Variants in SRPK2 observed in about 807,000 individuals in gnomAD.
SRPK2 encodes the protein SRSF protein kinase 2.
SRPK2 carries 21 observed loss-of-function variants against 90.8 expected under a neutral mutation model. The ratio of observed to expected loss-of-function variants is 0.23; its 90% CI spans 0.16 to 0.33. The LOEUF is 0.33. SRPK2 is among the 10% of genes least tolerant of loss of function. The probability of loss-of-function intolerance (pLI) is 1.00; values close to 1 mark genes in which losing one functional copy is unlikely to be tolerated. For missense variants in SRPK2, 620 were observed against 869.0 expected (o/e 0.71, Z 3.60); for synonymous variants, 288 against 311.1 (o/e 0.93, Z 0.78).
At position 105,183,974 on chromosome 7, in the gene SRPK2, A is replaced by ATTTTTTT. The variant is rs57622134; in HGVS notation, c.230-14716_230-14710dup. Among the ~76,000 whole-genome samples, 16 of 116,268 alleles carry ATTTTTTT rather than the reference A, an allele frequency of 1.4e-4. 1 individual carries two copies. The highest frequency in any genetic ancestry group is 1.3e-4 in the Non-Finnish European group (8 of 60,518). The allele number at this position is 116,268 out of a possible 152,430, so 76.3% of individuals were successfully genotyped here. The stretch of plus-strand genomic sequence containing the variant: ...AAAGAGTTAACGTACACTATTACCA[A>ATTTTTTT]TTTTTTTTTTTTTTTTTTTTTGAGA... On this transcript the variant is annotated intron_variant, in intron 3 of 15. Transcript: ENST00000393651.
At chr7:105,216,681 G>A (rs925434284) in intron 2 of SRPK2, among the ~76,000 whole-genome samples, 1 of 151,328 alleles carries the variant, frequency 6.6e-6, no homozygotes, top group Non-Finnish European at 1.5e-5. Context: ...GAGAGAGAGA[G>A]AGAGACACCA....
At chr7:105,244,755 A>AAC in intron 2 of SRPK2, 1 of 1,030,682 alleles carries the variant, frequency 9.7e-7, no homozygotes, top group South Asian at 1.3e-5. Context: ...CGTCTGACCA[A>AAC]ACACACCAAG....
intron 2 of SRPK2, among the ~76,000 whole-genome samples, chr7:105,262,280 T>A (rs1804404770): frequency 6.6e-6 from 1 of 152,158 alleles, no homozygotes; most frequent in South Asian, 2.1e-4. Context: ...ACACTTTTAT[T>A]TAGGTATATG....
At chr7:105,378,368 A>G (rs1820552308) in intron 2 of SRPK2, among the ~76,000 whole-genome samples, 1 of 152,214 alleles carries the variant, frequency 6.6e-6, no homozygotes, top group South Asian at 2.1e-4. Flanking sequence ...TTTATAAATC[A>G]GTAAGAAAAA....
downstream of SRPK2, among the ~76,000 whole-genome samples, chr7:105,116,103 T>C (rs914292931): frequency 1.3e-5 from 2 of 152,194 alleles, no homozygotes; most frequent in Non-Finnish European, 2.9e-5. Context: ...AAATTTGCAA[T>C]GATCAAACAA....
chr7:105,266,357 C>G (rs1805073793), intron 2 of SRPK2, among the ~76,000 whole-genome samples: 1 of 152,084 alleles, frequency 6.6e-6, no homozygotes, highest in South Asian at 2.1e-4. Flanking sequence ...TGAAAAATTA[C>G]TAGAAATAAT....
chr7:105,172,940 A>G (rs1294530801), intron 3 of SRPK2, among the ~76,000 whole-genome samples: 2 of 152,248 alleles, frequency 1.3e-5, no homozygotes, highest in Non-Finnish European at 2.9e-5. Context: ...TATACATGTG[A>G]GCAAAAACAG....
intron 2 of SRPK2, among the ~76,000 whole-genome samples, chr7:105,286,854 T>G (rs572264521): frequency 9.5e-4 from 145 of 152,362 alleles, no homozygotes; most frequent in Non-Finnish European, 1.5e-3. Flanking sequence ...CATTTACACG[T>G]GGCCTAGGAG....
Position 105,142,395 on chromosome 7 carries a change from G to C in SRPK2, c.1156C>G (p.Pro386Ala). The stretch of plus-strand genomic sequence containing the variant: ...GTTTTAGGTGATTCTATCCACGTAG[G>C]GTCTATGTTCGCAAGTTCCTGATCT... ...DVDQELANID[P>A]TWIESPKTNG... Residue 386 changes from proline (P) to alanine (A), a missense_variant, in exon 11 of 16, where the codon CCT (proline) becomes GCT (alanine). Coordinates refer to ENST00000393651, the MANE Select transcript of SRPK2 (RefSeq NM_182692.3). 1 of 1,613,758 alleles carries C rather than the reference G, an allele frequency of 6.2e-7. No homozygotes were observed. Among genetic ancestry groups the C allele is most frequent in the African/African-American group, 1.3e-5 (1 of 74,882 alleles).
chr7:105,151,715 T>TA (rs1221298245), intron 7 of SRPK2, among the ~76,000 whole-genome samples: 2 of 150,754 alleles, frequency 1.3e-5, no homozygotes, highest in Non-Finnish European at 3.0e-5. Flanking sequence ...TCCAGCTTCC[T>TA]AAGTCACTTA....
At chr7:105,365,806 C>T (rs987687871) in intron 2 of SRPK2, among the ~76,000 whole-genome samples, 2 of 151,164 alleles carry the variant, frequency 1.3e-5, no homozygotes, top group African/African-American at 4.9e-5. Flanking sequence ...TTTAAAAAAA[C>T]AAAAAACAGA....
intron 2 of SRPK2, among the ~76,000 whole-genome samples, chr7:105,215,175 A>G (rs1797309846): frequency 6.6e-6 from 1 of 152,234 alleles, no homozygotes; most frequent in African/African-American, 2.4e-5. Context: ...CCCACCATAC[A>G]CAGAAACTAA....
intron 2 of SRPK2, among the ~76,000 whole-genome samples, chr7:105,216,145 G>A (rs1027252615): frequency 6.6e-6 from 1 of 151,962 alleles, no homozygotes; most frequent in African/African-American, 2.4e-5. Flanking sequence ...CCACTGAATG[G>A]TATACTTTAA....
chr7:105,261,467 G>A (rs1373368184), intron 2 of SRPK2, among the ~76,000 whole-genome samples: 1 of 151,876 alleles, frequency 6.6e-6, no homozygotes, highest in Non-Finnish European at 1.5e-5. Context: ...CTTGCAGTGA[G>A]CCGAGATCGC....
chr7:105,333,215 T>C (rs909103976), intron 2 of SRPK2, among the ~76,000 whole-genome samples: 12 of 151,770 alleles, frequency 7.9e-5, no homozygotes, highest in South Asian at 2.1e-4. Context: ...AATAAATAAA[T>C]AGAAACAACC....
At chr7:105,361,319 A>T (rs1417261433) in intron 2 of SRPK2, among the ~76,000 whole-genome samples, 1 of 152,000 alleles carries the variant, frequency 6.6e-6, no homozygotes, top group African/African-American at 2.4e-5. Context: ...TCAATGAAAT[A>T]AAAGAGGACA....
intron 2 of SRPK2, among the ~76,000 whole-genome samples, chr7:105,277,146 C>T (rs964331706): frequency 5.9e-5 from 9 of 151,946 alleles, no homozygotes; most frequent in East Asian, 1.9e-4. Context: ...GCGTGATCTC[C>T]GCTCACTGCA....
chr7:105,185,231 T>A (rs947757168), intron 3 of SRPK2, among the ~76,000 whole-genome samples: 2 of 151,986 alleles, frequency 1.3e-5, no homozygotes, highest in African/African-American at 4.8e-5. Context: ...GACATGAGAT[T>A]TCTTTTAAAA....
intron 2 of SRPK2, among the ~76,000 whole-genome samples, chr7:105,286,275 G>A (rs866180011): frequency 8.5e-5 from 13 of 152,242 alleles, no homozygotes; most frequent in Admixed American, 3.9e-4. Flanking sequence ...AAATCCAGTC[G>A]TATTCAGACT....
Sources: allele counts gnomAD v4.1 joint callset (sites outside exome capture counted in the v4.1 genomes callset), GRCh38; gene constraint gnomAD v4.1.1; transcripts MANE v1.5; gene names NCBI Gene and HGNC (gene_info 2026-07-23, HGNC 2026-07-21).